The following SET variants were observed in gnomAD, a reference collection of about 807,000 sequenced individuals.
SET encodes SET nuclear proto-oncogene.
Under a neutral mutation model 39.0 loss-of-function variants are expected in SET, and 4 were observed. That is an observed-to-expected ratio of 0.10 (90% CI 0.05 to 0.23). The LOEUF is 0.23. Among genes scored for constraint, SET ranks in the 10% least tolerant of loss-of-function variants. The probability of loss-of-function intolerance (pLI) is 1.00; values close to 1 mark genes in which losing one functional copy is unlikely to be tolerated. For missense variants in SET, 137 were observed against 329.7 expected (o/e 0.42, Z 4.53); for synonymous variants, 114 against 115.9 (o/e 0.98, Z 0.11).
At chr9:128,694,210 G>A (rs1861646744) in intron 7 of SET, among the ~76,000 whole-genome samples, 168 bp downstream of exon 7, 1 of 151,976 alleles carries the variant, frequency 6.6e-6, no homozygotes, top group Non-Finnish European at 1.5e-5. Flanking sequence ...ATAAGCACAT[G>A]GTACTAATGT....
chr9:128,690,612 C>T lies in SET; in HGVS notation c.74-558C>T, dbSNP rs1023735969. ...CCGCCTGAATTGGGTTGGAGGGGTTCATGTTCTGAGAAGGCGAAGGCCAGG... is the reference window on the plus strand; with the variant it reads ...CCGCCTGAATTGGGTTGGAGGGGTTTATGTTCTGAGAAGGCGAAGGCCAGG... On this transcript the variant is annotated intron_variant, in intron 1 of 7. Coordinates refer to ENST00000322030, the MANE Select transcript of SET (RefSeq NM_003011.4). 3 of 155,406 alleles carry T rather than the reference C, an allele frequency of 1.9e-5. No homozygotes were observed. The Admixed American group carries it at 1.9e-4, about 10-fold the overall frequency. The allele number at this position is 155,406 out of a possible 1,614,324, so 9.6% of individuals were successfully genotyped here. A position where few individuals can be genotyped will look rare whatever the true frequency, so the allele number is the denominator to read the frequency against.
In SET at chr9:128,689,619, C is replaced by A; in HGVS notation, c.37C>A (p.Leu13Ile). 7.3e-7 allele frequency: 1 copy of A among 1,372,870 alleles called. No individual in the cohort carries two copies. Among genetic ancestry groups the A allele is most frequent in the Non-Finnish European group, 9.6e-7 (1 of 1,043,008 alleles). The allele number at this position is 1,372,870 out of a possible 1,614,324, so 85.0% of individuals were successfully genotyped here. The change falls in exon 1 of 8, where the codon CTC (leucine) becomes ATC (isoleucine). Residue 13 changes from leucine (L) to isoleucine (I), a missense_variant. Transcript: ENST00000322030. ...APAAKVSKKE[L>I]NSNHDGADET... is the part of the protein sequence containing the mutation. ...GGCGGCCAAAGTCAGTAAAAAGGAG[C>A]TCAACTCCAACCACGACGGGGCCGA...
chr9:128,696,130 A>G lies in SET; in HGVS notation c.*1466A>G, dbSNP rs1403687260. ...ATTGTGCAGAGAAGCACCCTAATGC[A>G]TAAGCTTTTTAATGCTGTAAAATAT... is the stretch of plus-strand genomic sequence containing the variant. On this transcript the variant is annotated 3_prime_UTR_variant, in exon 8 of 8. Coordinates refer to ENST00000322030, the MANE Select transcript of SET (RefSeq NM_003011.4). 2 of 218,834 alleles carry G rather than the reference A, an allele frequency of 9.1e-6. No individual in the cohort carries two copies. The highest frequency in any genetic ancestry group is 1.9e-5 in the Non-Finnish European group (2 of 107,790). The allele number at this position is 218,834 out of a possible 1,614,324, so 13.6% of individuals were successfully genotyped here.
At chr9:128,686,029 C>CA (rs563113705), upstream of SET, among the ~76,000 whole-genome samples, 1,683 of 139,854 alleles carry the variant, frequency 0.012, 19 homozygotes, top group African/African-American at 0.031. Context: ...ACAACAACAA[C>CA]AAAAAAAAAA....
In SET at chr9:128,693,745, T is replaced by A. The variant is rs1421352768; in HGVS notation, c.600T>A (p.Gly200=). ...FTWFTDHSDA[G]ADELGEVIKD... ...GGTTTACTGACCATTCTGATGCAGG[T>A]GCTGATGAGTTAGGAGAGGTCATCA... The change falls in exon 6 of 8, where the codon GGT becomes GGA. Residue 200 remains glycine (G), a synonymous_variant. Transcript: ENST00000322030. 2 of 1,613,646 alleles carry A rather than the reference T, an allele frequency of 1.2e-6. No homozygotes were observed. Among genetic ancestry groups the A allele is most frequent in the Non-Finnish European group, 1.7e-6 (2 of 1,180,024 alleles).
At chr9:128,693,133 G>A in intron 5 of SET, 152 bp downstream of exon 5, 1 of 618,256 alleles carries the variant, frequency 1.6e-6, no homozygotes, top group Non-Finnish European at 2.9e-6. Flanking sequence ...AAGTATTACA[G>A]TAGTTTAGGG....
upstream of SET, among the ~76,000 whole-genome samples, chr9:128,684,858 T>C (rs775107770): frequency 5.6e-4 from 85 of 152,286 alleles, no homozygotes; most frequent in Middle Eastern, 0.01. Context: ...CATTACATTG[T>C]AACCAGCAGT....
upstream of SET, among the ~76,000 whole-genome samples, chr9:128,688,852 G>A (rs1861378389): frequency 6.6e-6 from 1 of 152,170 alleles, no homozygotes; most frequent in African/African-American, 2.4e-5. Context: ...ATACGAGGCC[G>A]GGCCTGCACT....
At chr9:128,692,028 G>A in intron 3 of SET, 28 bp downstream of exon 3, 1 of 1,608,034 alleles carries the variant, frequency 6.2e-7, no homozygotes, top group South Asian at 1.1e-5. Flanking sequence ...CATTGTTAAA[G>A]GATAAACAGT....
intron 7 of SET, 69 bp downstream of exon 7, chr9:128,694,111 T>TATAC: frequency 7.6e-7 from 1 of 1,319,170 alleles, no homozygotes; most frequent in Non-Finnish European, 1.0e-6. Context: ...GGGGTGTATA[T>TATAC]ATATATATAT....
Position 128,696,276 on chromosome 9 carries a change from G to GT in SET, c.*1613dup. On this transcript the variant is annotated 3_prime_UTR_variant, in exon 8 of 8. Transcript: ENST00000322030. ...AACTATTCCATCAATAGGCAAAAGT[G>GT]TAACAACCTATCTAGATGGATAGTA... 1 of 197,520 alleles carries GT rather than the reference G, an allele frequency of 5.1e-6. No homozygotes were observed. The highest frequency in any genetic ancestry group is 1.1e-5 in the Non-Finnish European group (1 of 94,138). 12.2% of individuals were successfully genotyped at this position (197,520 alleles called of 1,614,324 possible).
chr9:128,684,275 C>T (rs1861215164), upstream of SET, among the ~76,000 whole-genome samples: 1 of 152,094 alleles, frequency 6.6e-6, no homozygotes, highest in Non-Finnish European at 1.5e-5. Flanking sequence ...TCTGGGGCTC[C>T]CTTTCTTGGC....
rs1861685313 is a variant in SET, at chr9:128,695,103, T to C, written c.*439T>C. 1 of 227,074 alleles carries C rather than the reference T, an allele frequency of 4.4e-6. No individual in the cohort carries two copies. Among genetic ancestry groups the C allele is most frequent in the East Asian group, 6.2e-5 (1 of 16,096 alleles). 14.1% of individuals were successfully genotyped at this position (227,074 alleles called of 1,614,324 possible). On this transcript the variant is annotated 3_prime_UTR_variant, in exon 8 of 8. Transcript: ENST00000322030. ...GTGTCTCTATGTGAATATGGACAGT[T>C]AGCATTTACCAACATGTATCTGTCT...
In SET at chr9:128,695,099, C is replaced by T. The variant is rs1348010746; in HGVS notation, c.*435C>T. ...CACTGTGTCTCTATGTGAATATGGA[C>T]AGTTAGCATTTACCAACATGTATCT... On this transcript the variant is annotated 3_prime_UTR_variant, in exon 8 of 8. Coordinates refer to ENST00000322030, the MANE Select transcript of SET (RefSeq NM_003011.4). The T allele has an allele frequency of 4.4e-6, 1 of 226,932 alleles. No homozygotes were observed. Among genetic ancestry groups the T allele is most frequent in the Admixed American group, 5.7e-5 (1 of 17,626 alleles). The allele number at this position is 226,932 out of a possible 1,614,324, so 14.1% of individuals were successfully genotyped here. A position where few individuals can be genotyped will look rare whatever the true frequency, so the allele number is the denominator to read the frequency against.
rs1193424771 is a variant in SET, at chr9:128,695,618, C to T, written c.*954C>T. On this transcript the variant is annotated 3_prime_UTR_variant, in exon 8 of 8. Transcript: ENST00000322030. ...GTATAACATCACTGTCAAACTTTGT[C>T]ACCCTAACTTCGTATTTTTTGATAC... 4.4e-6 allele frequency: 1 copy of T among 225,026 alleles called. No individual in the cohort carries two copies. The highest frequency in any genetic ancestry group is 8.9e-6 in the Non-Finnish European group (1 of 112,066). 13.9% of individuals were successfully genotyped at this position (225,026 alleles called of 1,614,324 possible).
chr9:128,694,176 G>A, intron 7 of SET, 134 bp downstream of exon 7: 1 of 856,198 alleles, frequency 1.2e-6, no homozygotes. Context: ...CCATTTTGTT[G>A]TTCAAGAATT....
chr9:128,692,789 G>T (rs779696757), intron 4 of SET, 24 bp downstream of exon 4: 3 of 1,550,494 alleles, frequency 1.9e-6, no homozygotes, highest in Non-Finnish European at 2.7e-6. Flanking sequence ...ACTTAATCTT[G>T]TTTGCCACTG....
Position 128,689,567 on chromosome 9 carries a change from A to G in SET, c.-16A>G. On this transcript the variant is annotated 5_prime_UTR_variant, in exon 1 of 8. Transcript: ENST00000322030. Reference sequence around the variant, plus strand: ...TCTCCCCCTCCCCGCTCCCCCCCCGACCGCGGAGCAGCACCATGTCGGCGC... The same window carrying G: ...TCTCCCCCTCCCCGCTCCCCCCCCGGCCGCGGAGCAGCACCATGTCGGCGC... The G allele has an allele frequency of 1.7e-6, 2 of 1,184,252 alleles. No homozygotes were observed. Among genetic ancestry groups the G allele is most frequent in the Non-Finnish European group, 1.1e-6 (1 of 914,180 alleles). The allele number at this position is 1,184,252 out of a possible 1,614,324, so 73.4% of individuals were successfully genotyped here.
upstream of SET, chr9:128,689,203 G>GCCTGCGC (rs1372189316): frequency 4.0e-5 from 39 of 968,072 alleles, no homozygotes; most frequent in South Asian, 9.6e-5. Flanking sequence ...GGCCTGGCGC[G>GCCTGCGC]CCTGCGCCCT....
Sources: allele counts gnomAD v4.1 joint callset (sites outside exome capture counted in the v4.1 genomes callset), GRCh38; gene constraint gnomAD v4.1.1; transcripts MANE v1.5; gene names NCBI Gene and HGNC (gene_info 2026-07-23, HGNC 2026-07-21).